RCAN2: variants seen among roughly 807,000 people sequenced by gnomAD.
RCAN2 encodes calcipressin-2.
RCAN2 carries 9 observed loss-of-function variants against 23.6 expected under a neutral mutation model. The ratio of observed to expected loss-of-function variants is 0.38; its 90% CI spans 0.23 to 0.67. The LOEUF (loss-of-function observed/expected upper bound fraction) is 0.67. Among genes scored for constraint, RCAN2 ranks in the 30% least tolerant of loss-of-function variants. The pLI, the probability that RCAN2 is intolerant of heterozygous loss-of-function variation, is 0.51. For missense variants in RCAN2, 273 were observed against 302.3 expected (o/e 0.90, Z 0.72); for synonymous variants, 109 against 115.7 (o/e 0.94, Z 0.37).
chr6:46,301,956 A>C (rs1762915031), intron 2 of RCAN2, among the ~76,000 whole-genome samples: 1 of 152,056 alleles, frequency 6.6e-6, no homozygotes, highest in Non-Finnish European at 1.5e-5. Flanking sequence ...TTTGTGCATA[A>C]AGTAACATAA....
chr6:46,308,891 A>C (rs909509087), intron 2 of RCAN2, among the ~76,000 whole-genome samples: 22 of 152,260 alleles, frequency 1.4e-4, no homozygotes, highest in African/African-American at 5.1e-4. Context: ...GGGGGAGTTC[A>C]AGGAGAGGCT....
At chr6:46,395,655 A>G (rs914240473) in intron 2 of RCAN2, among the ~76,000 whole-genome samples, 10 of 152,252 alleles carry the variant, frequency 6.6e-5, no homozygotes, top group African/African-American at 2.4e-4. Flanking sequence ...TAAACTTAGC[A>G]CAAAAGCATT....
chr6:46,354,205 C>CTCTGTGTGTGTGTGTG, intron 2 of RCAN2, among the ~76,000 whole-genome samples: 1 of 133,070 alleles, frequency 7.5e-6, no homozygotes, highest in African/African-American at 2.9e-5. Flanking sequence ...TGTTATTTTA[C>CTCTGTGTGTGTGTGTG]TGTGTGTGTG....
At chr6:46,285,326 A>G (rs993201004) in intron 2 of RCAN2, among the ~76,000 whole-genome samples, 14 of 152,326 alleles carry the variant, frequency 9.2e-5, no homozygotes, top group Middle Eastern at 3.4e-3. Context: ...TGGATTTTAC[A>G]CAATTGCTCT....
chr6:46,379,583 T>C (rs1006077799), intron 2 of RCAN2, among the ~76,000 whole-genome samples: 12 of 152,224 alleles, frequency 7.9e-5, no homozygotes, highest in Admixed American at 6.5e-4. Context: ...GGTTTTGCAA[T>C]AGCTCTAAAA....
chr6:46,287,391 G>A (rs908013479), intron 2 of RCAN2, among the ~76,000 whole-genome samples: 9 of 152,248 alleles, frequency 5.9e-5, no homozygotes, highest in African/African-American at 2.2e-4. Context: ...TGTGAAGGAA[G>A]ATGGATCACA....
intron 2 of RCAN2, among the ~76,000 whole-genome samples, chr6:46,315,807 T>A (rs1259678993): frequency 6.6e-6 from 1 of 152,212 alleles, no homozygotes; most frequent in Admixed American, 6.5e-5. Context: ...CATCCCCTTG[T>A]GGCTACAGTG....
intron 4 of RCAN2, among the ~76,000 whole-genome samples, chr6:46,227,627 G>A (rs1352707166): frequency 2.0e-5 from 3 of 152,154 alleles, no homozygotes; most frequent in African/African-American, 2.4e-5. Flanking sequence ...GAATGGTTGT[G>A]ATATCCCCTT....
At chr6:46,478,595 C>T (rs1047946224) in intron 1 of RCAN2, among the ~76,000 whole-genome samples, 1 of 152,152 alleles carries the variant, frequency 6.6e-6, no homozygotes, top group African/African-American at 2.4e-5. Flanking sequence ...CTTCTCCTCC[C>T]TTTCCATCAG....
At chr6:46,311,326 G>A (rs1192049292) in intron 2 of RCAN2, among the ~76,000 whole-genome samples, 2 of 152,158 alleles carry the variant, frequency 1.3e-5, no homozygotes, top group African/African-American at 4.8e-5. Flanking sequence ...GCTGAGGATG[G>A]ACACATCTAC....
chr6:46,231,381 T>C, intron 4 of RCAN2, among the ~76,000 whole-genome samples: 1 of 151,758 alleles, frequency 6.6e-6, no homozygotes, highest in East Asian at 1.9e-4. Context: ...AGTCTATAAA[T>C]TTTTGTCATA....
chr6:46,293,157 C>T (rs1762620993), intron 2 of RCAN2, among the ~76,000 whole-genome samples: 1 of 152,268 alleles, frequency 6.6e-6, no homozygotes, highest in African/African-American at 2.4e-5. Context: ...CAAGTCTTTG[C>T]TATTGTGAAT....
chr6:46,292,440 T>TTTTTTTTTG (rs1762597391), intron 2 of RCAN2, among the ~76,000 whole-genome samples: 1 of 137,384 alleles, frequency 7.3e-6, no homozygotes, highest in Non-Finnish European at 1.5e-5. Context: ...TTTTTTTTGT[T>TTTTTTTTTG]TTTTTTTTTG....
Position 46,434,481 on chromosome 6 carries a change from C to T in RCAN2, c.225+22271G>A, listed in dbSNP as rs188700450. Among the ~76,000 whole-genome samples the T allele has an allele frequency of 5.7e-3, 866 of 152,178 alleles. 8 individuals are homozygous for T. Among genetic ancestry groups the T allele is most frequent in the African/African-American group, 0.02 (822 of 41,498 alleles). On this transcript the variant is annotated intron_variant, in intron 2 of 4. Transcript: ENST00000371374. ...TTGGAGGGCTGCTTATGGGAGCCTC[C>T]ATGTCACTAAGCACAGACTGCCCCA...
intron 2 of RCAN2, among the ~76,000 whole-genome samples, chr6:46,279,697 G>A (rs1357395833): frequency 6.6e-6 from 1 of 152,198 alleles, no homozygotes; most frequent in Non-Finnish European, 1.5e-5. Context: ...TTGGTTATCA[G>A]ACCATACTGG....
chr6:46,351,921 AC>A (rs1764659977), intron 2 of RCAN2, among the ~76,000 whole-genome samples: 1 of 152,108 alleles, frequency 6.6e-6, no homozygotes, highest in Non-Finnish European at 1.5e-5. Flanking sequence ...TTTGATCTTT[AC>A]CTCTTCCCTC....
At chr6:46,399,233 G>C (rs545675404) in intron 2 of RCAN2, among the ~76,000 whole-genome samples, 4 of 151,864 alleles carry the variant, frequency 2.6e-5, no homozygotes, top group African/African-American at 9.7e-5. Context: ...TGCCAAGATC[G>C]CTGATCTTTC....
At chr6:46,327,786 A>G (rs144950744) in intron 2 of RCAN2, among the ~76,000 whole-genome samples, 243 of 152,352 alleles carry the variant, frequency 1.6e-3, no homozygotes, top group African/African-American at 5.7e-3. Context: ...TGGTGTAAAT[A>G]TGCTCATCAT....
chr6:46,273,811 G>A (rs1014448083), intron 2 of RCAN2, among the ~76,000 whole-genome samples: 2 of 152,116 alleles, frequency 1.3e-5, no homozygotes, highest in Admixed American at 1.3e-4. Context: ...TAGCTGTTGA[G>A]CTAATCATGA....
Sources: allele counts gnomAD v4.1 joint callset (sites outside exome capture counted in the v4.1 genomes callset), GRCh38; gene constraint gnomAD v4.1.1; transcripts MANE v1.5; gene names NCBI Gene and HGNC (gene_info 2026-07-23, HGNC 2026-07-21).